Variants in ADCY5 observed in about 807,000 individuals in gnomAD.
ADCY5 encodes the protein adenylate cyclase type 5.
Under a neutral mutation model 119.7 loss-of-function variants are expected in ADCY5, and 30 were observed. That is an observed-to-expected ratio of 0.25 (90% CI 0.19 to 0.34). The LOEUF (loss-of-function observed/expected upper bound fraction) is 0.34, where lower values mean the gene tolerates loss of function less well. ADCY5 is among the 10% of genes least tolerant of loss of function. The pLI, the probability that ADCY5 is intolerant of heterozygous loss-of-function variation, is 1.00. For missense variants in ADCY5, 1,324 were observed against 1,775.2 expected, an observed-to-expected ratio of 0.75 and a Z score of 4.57; for synonymous variants, 753 against 762.2, an observed-to-expected ratio of 0.99 and a Z score of 0.20.
intron 1 of ADCY5, among the ~76,000 whole-genome samples, chr3:123,381,127 G>T (rs1376846800): frequency 6.6e-6 from 1 of 152,198 alleles, no homozygotes; most frequent in Non-Finnish European, 1.5e-5. Context: ...CTTTAAAAAA[G>T]AATTTAATAC....
At chr3:123,381,994 G>A (rs1219525331) in intron 1 of ADCY5, among the ~76,000 whole-genome samples, 1 of 152,162 alleles carries the variant, frequency 6.6e-6, no homozygotes, top group Non-Finnish European at 1.5e-5. Context: ...GCCCTTCGCG[G>A]TCTACCTCCC....
chr3:123,419,628 G>A (rs1945259164), intron 1 of ADCY5, among the ~76,000 whole-genome samples: 1 of 152,142 alleles, frequency 6.6e-6, no homozygotes, highest in African/African-American at 2.4e-5. Context: ...GCTCCAGGGA[G>A]GACCCTGTGC....
intron 3 of ADCY5, among the ~76,000 whole-genome samples, chr3:123,342,497 C>G (rs924223953): frequency 5.9e-5 from 9 of 152,180 alleles, no homozygotes; most frequent in African/African-American, 2.2e-4. Context: ...GGCAGCCCCT[C>G]TGCCGGGACC....
Position 123,284,447 on chromosome 3 carries a change from C to G in ADCY5, c.*161G>C. ...CCGGGGCCTGGGACAGAGGCCGCTG[C>G]CCACCAGCAAAGGCAGAAGCTGCTC... is the stretch of plus-strand genomic sequence containing the variant. On this transcript the variant is annotated 3_prime_UTR_variant, in exon 21 of 21. Coordinates refer to ENST00000462833, the MANE Select transcript of ADCY5 (RefSeq NM_183357.3). 2.5e-6 allele frequency: 3 copies of G among 1,183,434 alleles called. No homozygotes were observed. The South Asian group carries it at 4.6e-5, about 18-fold the overall frequency. 73.3% of individuals were successfully genotyped at this position (1,183,434 alleles called of 1,614,324 possible).
At chr3:123,444,482 A>T (rs1171268261) in intron 1 of ADCY5, among the ~76,000 whole-genome samples, 1 of 152,144 alleles carries the variant, frequency 6.6e-6, no homozygotes, top group East Asian at 1.9e-4. Context: ...GGAGGGTGAC[A>T]AACACTATGG....
At chr3:123,340,745 GA>G (rs1160230666) in intron 3 of ADCY5, among the ~76,000 whole-genome samples, 1 of 152,124 alleles carries the variant, frequency 6.6e-6, no homozygotes, top group Non-Finnish European at 1.5e-5. Context: ...AGCCCCTCTG[GA>G]AAACAGGATG....
In ADCY5 at chr3:123,352,507, G is replaced by A. The variant is rs145497452; in HGVS notation, c.1209C>T (p.Ser403=). The A allele has an allele frequency of 9.3e-5, 150 of 1,614,014 alleles. 1 individual carries two copies. The East Asian group carries it at 2.7e-3, about 29-fold the overall frequency. Residue 403 remains serine, a synonymous_variant, in exon 2 of 21, where the codon TCC becomes TCT. Coordinates refer to ENST00000462833, the MANE Select transcript of ADCY5 (RefSeq NM_183357.3). This position sits in a 1 kb window ranked among gnomAD's most constrained non-coding sequence, Gnocchi z 4.8. Reference sequence around the variant, plus strand: ...GGGTCTCCTGGAAAGCCTGTCTCTGGGAGACCTCAGCCGGATAGTGGGTGC... The same window carrying A: ...GGGTCTCCTGGAAAGCCTGTCTCTGAGAGACCTCAGCCGGATAGTGGGTGC... ...GVCTHYPAEV[S]QRQAFQETRE...
At chr3:123,296,057 C>G in intron 17 of ADCY5, 27 bp downstream of exon 17, 3 of 1,611,852 alleles carry the variant, frequency 1.9e-6, no homozygotes, top group Non-Finnish European at 1.7e-6. Flanking sequence ...TGCCTCCCTC[C>G]CCAGGTCCAG....
intron 1 of ADCY5, among the ~76,000 whole-genome samples, chr3:123,437,268 C>T (rs1945635073): frequency 6.6e-6 from 1 of 152,164 alleles, no homozygotes; most frequent in Admixed American, 6.5e-5. Flanking sequence ...CCAACAGCCA[C>T]TGGTTGAATG....
In ADCY5 at chr3:123,401,435, T is replaced by A. The variant is rs149860842; in HGVS notation, c.1134+45977A>T. On this transcript the variant is annotated intron_variant, in intron 1 of 20. Coordinates refer to ENST00000462833, the MANE Select transcript of ADCY5 (RefSeq NM_183357.3). The stretch of plus-strand genomic sequence containing the variant: ...TTTAAAAAATGAGAGGGAAGGGCCA[T>A]TTTTGTGGCTATTCGCACTTAGGAT... Among the ~76,000 whole-genome samples, 4 of 152,292 alleles carry A rather than the reference T, an allele frequency of 2.6e-5. No homozygotes were observed. In the East Asian group the frequency reaches 7.7e-4, roughly 29 times the overall value.
intron 1 of ADCY5, chr3:123,420,143 A>C (rs1214382733): frequency 6.6e-6 from 1 of 152,234 alleles, no homozygotes; most frequent in Admixed American, 6.5e-5. Context: ...CTACATCAGA[A>C]GCTGGCATCA....
intron 1 of ADCY5, among the ~76,000 whole-genome samples, chr3:123,385,094 C>A (rs1559852755): frequency 6.6e-6 from 1 of 152,088 alleles, no homozygotes; most frequent in African/African-American, 2.4e-5. Flanking sequence ...ACAGCCGGCA[C>A]CCCAGCCCAC....
At chr3:123,384,792 G>GA (rs528769139) in intron 1 of ADCY5, among the ~76,000 whole-genome samples, 486 of 152,284 alleles carry the variant, frequency 3.2e-3, no homozygotes, top group Non-Finnish European at 4.5e-3. Flanking sequence ...TGGGAAGCAT[G>GA]AAGAGGCCAC....
intron 3 of ADCY5, among the ~76,000 whole-genome samples, chr3:123,346,649 ATGTG>A (rs145736317): frequency 8.4e-5 from 8 of 94,902 alleles, no homozygotes; most frequent in Non-Finnish European, 1.6e-4. Context: ...CTCTGTGTGT[ATGTG>A]TGTGTGTGTG....
intron 1 of ADCY5, among the ~76,000 whole-genome samples, chr3:123,391,424 G>C (rs1944398277): frequency 6.6e-6 from 1 of 152,122 alleles, no homozygotes; most frequent in Admixed American, 6.6e-5. Flanking sequence ...CACCTCTTGG[G>C]AAAGAGAAGC....
Position 123,347,790 on chromosome 3 carries a change from G to A in ADCY5, c.1398C>T (p.Asp466=). ...CCCAGCTTCACCCCTACCTCACGTT[G>A]TCATGTTTCTGGATGTAAATCTTAT... ...MFHKIYIQKH[D]NVSILFADIE... Residue 466 remains aspartate, a synonymous_variant, in exon 3 of 21, where the codon GAC becomes GAT. Transcript: ENST00000462833. 1.2e-6 allele frequency: 2 copies of A among 1,613,978 alleles called. No individual in the cohort carries two copies. Among genetic ancestry groups the A allele is most frequent in the Non-Finnish European group, 1.7e-6 (2 of 1,179,962 alleles).
chr3:123,407,524 G>C (rs1944930425), intron 1 of ADCY5, among the ~76,000 whole-genome samples: 1 of 149,880 alleles, frequency 6.7e-6, no homozygotes, highest in Admixed American at 6.7e-5. Context: ...GCCAAAGCAG[G>C]AGGTATCGCT....
chr3:123,425,024 C>T (rs1474498402), intron 1 of ADCY5, among the ~76,000 whole-genome samples: 4 of 152,244 alleles, frequency 2.6e-5, no homozygotes, highest in Non-Finnish European at 5.9e-5. Flanking sequence ...CACTGGCACA[C>T]CCCCTCCCCA....
chr3:123,359,331 A>AAAATATATATATATAT (rs1553736034), intron 1 of ADCY5, among the ~76,000 whole-genome samples: 4 of 109,768 alleles, frequency 3.6e-5, no homozygotes, highest in African/African-American at 1.5e-4. Flanking sequence ...CTTATACTAA[A>AAAATATATATATATAT]ATATATATAT....
Sources: allele counts gnomAD v4.1 joint callset (sites outside exome capture counted in the v4.1 genomes callset), GRCh38; gene constraint gnomAD v4.1.1; non-coding constraint Gnocchi (gnomAD v3.1); transcripts MANE v1.5; gene names NCBI Gene and HGNC (gene_info 2026-07-23, HGNC 2026-07-21).